The following RBBP5 variants were observed in gnomAD, a reference collection of about 807,000 sequenced individuals.
RBBP5 encodes RB binding protein 5, histone lysine methyltransferase complex subunit, also known as retinoblastoma-binding protein 5.
Under a neutral mutation model 72.2 loss-of-function variants are expected in RBBP5, and 5 were observed. The ratio of observed to expected loss-of-function variants is 0.07; its 90% CI spans 0.04 to 0.15. RBBP5 has a LOEUF of 0.15. RBBP5 is among the 10% of genes least tolerant of loss of function. RBBP5 has a pLI of 1.00. For synonymous variants in RBBP5, 209 were observed against 237.2 expected (o/e 0.88, Z 1.09); for missense variants, 322 against 652.2 (o/e 0.49, Z 5.51).
At chr1:205,104,348 C>T (rs956690496) in intron 4 of RBBP5, among the ~76,000 whole-genome samples, 5 of 150,710 alleles carry the variant, frequency 3.3e-5, no homozygotes, top group Non-Finnish European at 7.4e-5. Flanking sequence ...CATGGTGAAA[C>T]CCCATCTCTA....
At chr1:205,115,050 T>G in intron 2 of RBBP5, 89 bp from the exon 3 acceptor site, 2 of 1,182,640 alleles carry the variant, frequency 1.7e-6, no homozygotes, top group Non-Finnish European at 2.4e-6. Context: ...TTGTGATACT[T>G]TTATTGAATA....
At chr1:205,120,787 A>T (rs1263991864) in intron 1 of RBBP5, among the ~76,000 whole-genome samples, 1 of 152,126 alleles carries the variant, frequency 6.6e-6, no homozygotes, top group Non-Finnish European at 1.5e-5. Flanking sequence ...CTTAAAAAAA[A>T]AAAAAAAAGT....
intron 1 of RBBP5, 32 bp downstream of exon 1, chr1:205,121,823 C>T: frequency 6.2e-7 from 1 of 1,612,314 alleles, no homozygotes. Flanking sequence ...GTACCCAACG[C>T]TTCTCTAAAA....
At position 205,098,985 on chromosome 1, in the gene RBBP5, G is replaced by A. The variant is rs758788378; in HGVS notation, c.1096+4C>T. 4 of 1,555,732 alleles carry A rather than the reference G, an allele frequency of 2.6e-6. No homozygotes were observed. Among genetic ancestry groups the A allele is most frequent in the Admixed American group, 3.7e-5 (2 of 53,506 alleles). On this transcript the variant is annotated splice_donor_region_variant and intron_variant, in intron 10 of 13. Coordinates refer to ENST00000264515, the MANE Select transcript of RBBP5 (RefSeq NM_005057.4). ...AAATCCTGTCTGCAATTTAGAAATA[G>A]TACCTGTCTGCTCAGGCTCACTCTT...
rs1349697420 is a variant in RBBP5 at position 205,086,273 on chromosome 1, G to T, written c.*2514C>A. 3.2e-5 allele frequency: 4 copies of T among 125,214 alleles called. No homozygotes were observed. The highest frequency in any genetic ancestry group is 9.7e-5 in the Admixed American group (1 of 10,328). 7.8% of individuals were successfully genotyped at this position (125,214 alleles called of 1,614,324 possible). A position where few individuals can be genotyped will look rare whatever the true frequency, so the allele number is the denominator to read the frequency against. On this transcript the variant is annotated 3_prime_UTR_variant, in exon 14 of 14. Coordinates refer to ENST00000264515, the MANE Select transcript of RBBP5 (RefSeq NM_005057.4). ...TTTTTTTGAGATGGAGTCTTGCTCTGTCACCCAGGCTGGAGTGCAGTGGCG... is the reference window on the plus strand; with the variant it reads ...TTTTTTTGAGATGGAGTCTTGCTCTTTCACCCAGGCTGGAGTGCAGTGGCG...
chr1:205,093,070 G>A (rs1234017683), intron 13 of RBBP5, among the ~76,000 whole-genome samples: 1 of 152,128 alleles, frequency 6.6e-6, no homozygotes, highest in Non-Finnish European at 1.5e-5. Context: ...ATCAGTGTGT[G>A]CAAGAAGTGG....
At chr1:205,116,061 C>T in intron 1 of RBBP5, 178 bp from the exon 2 acceptor site, 1 of 1,304,472 alleles carries the variant, frequency 7.7e-7, no homozygotes, top group Non-Finnish European at 1.1e-6. Context: ...TGTTTACTCT[C>T]ATTATCTCGG....
At chr1:205,107,370 A>G (rs990015165) in intron 3 of RBBP5, among the ~76,000 whole-genome samples, 5 of 152,198 alleles carry the variant, frequency 3.3e-5, no homozygotes, top group African/African-American at 9.6e-5. Context: ...TGAAAGCTGC[A>G]AGAGAAAAAT....
At chr1:205,097,438 A>C (rs1368203181) in intron 10 of RBBP5, 43 bp from the exon 11 acceptor site, 1 of 1,535,974 alleles carries the variant, frequency 6.5e-7, no homozygotes, top group South Asian at 1.2e-5. Flanking sequence ...AGAAGTGAAA[A>C]ACTGCTTTTT....
chr1:205,092,007 A>T (rs1291304046), intron 13 of RBBP5: 1 of 152,248 alleles, frequency 6.6e-6, no homozygotes, highest in Admixed American at 6.5e-5. Context: ...TTGATGGGCC[A>T]TATGCAAATC....
intron 3 of RBBP5, among the ~76,000 whole-genome samples, chr1:205,107,066 G>GTGTGTA (rs1270207607): frequency 1.5e-5 from 2 of 136,358 alleles, no homozygotes; most frequent in East Asian, 3.9e-4. Context: ...ATGTGTGTGT[G>GTGTGTA]TGTGTATACA....
chr1:205,098,582 G>A (rs1253297081), intron 10 of RBBP5, among the ~76,000 whole-genome samples: 1 of 152,134 alleles, frequency 6.6e-6, no homozygotes, highest in African/African-American at 2.4e-5. Context: ...AGTGGCTCAT[G>A]TCTGTAATGG....
intron 13 of RBBP5, among the ~76,000 whole-genome samples, chr1:205,093,459 A>C (rs112267268): frequency 0.24 from 1,655 of 6,994 alleles, 152 homozygotes; most frequent in Non-Finnish European, 0.25. Context: ...ACTCCGTTTC[A>C]AAAAAAAAAA....
At chr1:205,096,621 C>A in intron 12 of RBBP5, 61 bp downstream of exon 12, 1 of 1,466,322 alleles carries the variant, frequency 6.8e-7, no homozygotes, top group Non-Finnish European at 9.4e-7. Context: ...TACCAGGTTG[C>A]GCTGGGGAGT....
chr1:205,088,957 C>A, intron 13 of RBBP5, 142 bp from the exon 14 acceptor site: 4 of 673,350 alleles, frequency 5.9e-6, no homozygotes, highest in Non-Finnish European at 9.7e-6. Flanking sequence ...AATACATAAC[C>A]AACTCCAACT....
At chr1:205,113,227 T>A (rs985858036) in intron 3 of RBBP5, among the ~76,000 whole-genome samples, 1 of 152,156 alleles carries the variant, frequency 6.6e-6, no homozygotes, top group Non-Finnish European at 1.5e-5. Flanking sequence ...CATGATTTTC[T>A]AGAATAAGTA....
chr1:205,092,973 C>T (rs1416577540), intron 13 of RBBP5, among the ~76,000 whole-genome samples: 1 of 152,116 alleles, frequency 6.6e-6, no homozygotes, highest in Non-Finnish European at 1.5e-5. Context: ...TATGTTTGGC[C>T]ACATTTTAAA....
intron 3 of RBBP5, among the ~76,000 whole-genome samples, chr1:205,111,035 G>C (rs1390934256): frequency 6.6e-6 from 1 of 152,206 alleles, no homozygotes; most frequent in African/African-American, 2.4e-5. Context: ...CTGCACTCCA[G>C]CCTGGGTGAC....
chr1:205,118,381 G>A (rs1227208276), intron 1 of RBBP5, among the ~76,000 whole-genome samples: 1 of 152,020 alleles, frequency 6.6e-6, no homozygotes, highest in Non-Finnish European at 1.5e-5. Context: ...GGAGGCCGAG[G>A]TGGGCAGATC....
Sources: allele counts gnomAD v4.1 joint callset (sites outside exome capture counted in the v4.1 genomes callset), GRCh38; gene constraint gnomAD v4.1.1; transcripts MANE v1.5; gene names NCBI Gene and HGNC (gene_info 2026-07-23, HGNC 2026-07-21).